The following TRPM8 variants were observed in gnomAD, a reference collection of about 807,000 sequenced individuals.
TRPM8 encodes transient receptor potential cation channel subfamily M member 8, also known as TRPM8 cationic channel.
Under a neutral mutation model 133.7 loss-of-function variants are expected in TRPM8, and 110 were observed. The observed-to-expected ratio is 0.82, with a 90% CI of 0.70 to 0.96. The LOEUF (loss-of-function observed/expected upper bound fraction) is 0.96, where lower values mean the gene tolerates loss of function less well. Among genes scored for constraint, TRPM8 ranks in the 40% least tolerant of loss-of-function variants. TRPM8 has a pLI of 0.00. For synonymous variants in TRPM8, 535 were observed against 532.3 expected, an observed-to-expected ratio of 1.01 and a Z score of -0.07; for missense variants, 1,291 against 1,379.5, an observed-to-expected ratio of 0.94 and a Z score of 1.02.
chr2:233,947,661 C>A, intron 8 of TRPM8: 7 of 1,215,436 alleles, frequency 5.8e-6, no homozygotes, highest in Non-Finnish European at 7.6e-6. Flanking sequence ...GCACCTGCAA[C>A]ACTGAGCAAC....
chr2:234,004,581 A>C (rs570306458), intron 22 of TRPM8, among the ~76,000 whole-genome samples: 1 of 152,280 alleles, frequency 6.6e-6, no homozygotes, highest in Non-Finnish European at 1.5e-5. Flanking sequence ...AGTGGAATCC[A>C]AAGTTTCACT....
chr2:233,972,684 A>G (rs1228462228), intron 17 of TRPM8, among the ~76,000 whole-genome samples: 1 of 152,200 alleles, frequency 6.6e-6, no homozygotes, highest in Non-Finnish European at 1.5e-5. Context: ...TGGGGGACCC[A>G]GTACACTCTC....
rs1305952489 is a variant in TRPM8, at chr2:233,981,850, A to G, written c.2524A>G (p.Arg842Gly). 6.2e-7 allele frequency: 1 copy of G among 1,613,948 alleles called. No individual in the cohort carries two copies. The highest frequency in any genetic ancestry group is 8.5e-7 in the Non-Finnish European group (1 of 1,179,946). Residue 842 changes from arginine to glycine, a missense_variant, in exon 19 of 26, where the codon AGA (arginine) becomes GGA (glycine). Physicochemically the swap from Arg to Gly is moderately radical, Grantham distance 125 (BLOSUM62 -2). Transcript: ENST00000324695. ...FCLDYIIFTL[R>G]LIHIFTVSRN... Reference sequence around the variant, plus strand: ...TCTGGACTACATTATTTTCACTCTAAGATTGATCCACATTTTTACTGTAAG... The same window carrying G: ...TCTGGACTACATTATTTTCACTCTAGGATTGATCCACATTTTTACTGTAAG...
Position 233,927,846 on chromosome 2 carries a change from T to TTC in TRPM8, c.117+1192_117+1193insTC, listed in dbSNP as rs1491068191. Among the ~76,000 whole-genome samples the TTC allele has an allele frequency of 2.6e-4, 19 of 73,338 alleles. 2 individuals are homozygous for TTC. The highest frequency in any genetic ancestry group is 1.3e-3 in the Admixed American group (9 of 6,954). 48.1% of individuals were successfully genotyped at this position (73,338 alleles called of 152,430 possible). On this transcript the variant is annotated intron_variant, in intron 2 of 25. Transcript: ENST00000324695. ...TTCCTTCCTTCCTTCCTTCCTTCCT[T>TTC]CCTTCCTTTCTTTCTCTTTCTTTCT... is the stretch of plus-strand genomic sequence containing the variant.
intron 1 of TRPM8, among the ~76,000 whole-genome samples, chr2:233,921,677 C>CTTTT (rs11373529): frequency 1.2e-4 from 13 of 106,646 alleles, no homozygotes; most frequent in East Asian, 7.8e-4. Flanking sequence ...CTTTTCTTTT[C>CTTTT]TTTTTTTTTT....
At chr2:233,971,703 T>G (rs924516211) in intron 17 of TRPM8, among the ~76,000 whole-genome samples, 7 of 152,196 alleles carry the variant, frequency 4.6e-5, no homozygotes, top group African/African-American at 1.7e-4. Flanking sequence ...GGTGGGTTCG[T>G]GGTCTCGCTG....
At chr2:233,940,154 T>A (rs7595960) in intron 5 of TRPM8, among the ~76,000 whole-genome samples, 30,538 of 151,836 alleles carry the variant, frequency 0.2, 4,200 homozygotes, top group East Asian at 0.36. Flanking sequence ...CTGTCTCTCA[T>A]TGTGGATTTG....
chr2:233,980,220 C>A lies in TRPM8; in HGVS notation c.2388C>A (p.Asp796Glu). 6.2e-7 allele frequency: 1 copy of A among 1,603,778 alleles called. No homozygotes were observed. The highest frequency in any genetic ancestry group is 1.3e-5 in the African/African-American group (1 of 74,522). Residue 796 changes from aspartate to glutamate, a missense_variant, in exon 18 of 26, where the codon GAC becomes GAA. Physicochemically the swap from Asp to Glu is conservative, Grantham distance 45 (BLOSUM62 2). Around this residue, in one of 2 missense-constraint regions of TRPM8, gnomAD observed 328 missense variants for 410.6 expected, o/e 0.80. Transcript: ENST00000324695. ...WYVNGVNYFT[D>E]LWNVMDTLGL... ...TAAATGGGGTGAATTATTTTACTGA[C>A]CTGTGGAATGTGATGGACACGCTGG...
chr2:233,983,637 C>T (rs1182437016), intron 20 of TRPM8, among the ~76,000 whole-genome samples: 1 of 152,176 alleles, frequency 6.6e-6, no homozygotes, highest in African/African-American at 2.4e-5. Flanking sequence ...TTCTGGCGTG[C>T]GTTAGCCCAC....
intron 24 of TRPM8, among the ~76,000 whole-genome samples, chr2:234,009,149 C>T (rs1174966867): frequency 6.6e-6 from 1 of 152,090 alleles, no homozygotes; most frequent in Non-Finnish European, 1.5e-5. Context: ...CCAAGAGGGA[C>T]CTATCTGGAA....
chr2:234,010,958 TGAA>T (rs1485348296), intron 24 of TRPM8, among the ~76,000 whole-genome samples: 1 of 152,220 alleles, frequency 6.6e-6, no homozygotes, highest in Admixed American at 6.5e-5. Flanking sequence ...TCCTTTGTTG[TGAA>T]GAAGGTTTTG....
intron 1 of TRPM8, among the ~76,000 whole-genome samples, chr2:233,921,920 G>C (rs1166754571): frequency 6.6e-6 from 1 of 152,060 alleles, no homozygotes; most frequent in African/African-American, 2.4e-5. Context: ...TGATCCCCCT[G>C]CCTTGGCCTC....
At position 233,955,216 on chromosome 2, in the gene TRPM8, A is replaced by C. The variant is rs143385407; in HGVS notation, c.1328A>C (p.Asn443Thr). Residue 443 changes from asparagine to threonine, a missense_variant, in exon 11 of 26, where the codon AAT becomes ACT. Physicochemically the swap from Asn to Thr is moderately conservative, Grantham distance 65. Transcript: ENST00000324695. Reference protein sequence around the residue: ...LLEWNQLDLANDEIFTNDRRW... With the variant: ...LLEWNQLDLATDEIFTNDRRW... ...GAGTGGAACCAGCTGGACTTAGCCA[A>C]TGATGAGATTTTCACCAATGACCGC... The C allele has an allele frequency of 8.4e-5, 136 of 1,614,204 alleles. 1 individual carries two copies. The African/African-American group carries it at 8.9e-4, about 11-fold the overall frequency.
At chr2:233,940,232 G>T (rs1690871347) in intron 5 of TRPM8, among the ~76,000 whole-genome samples, 1 of 150,466 alleles carries the variant, frequency 6.6e-6, no homozygotes, top group Admixed American at 6.6e-5. Context: ...CTTTTACGCA[G>T]AATTAATATT....
At chr2:233,994,179 C>A (rs1203460098) in intron 21 of TRPM8, among the ~76,000 whole-genome samples, 3 of 152,158 alleles carry the variant, frequency 2.0e-5, no homozygotes, top group Non-Finnish European at 4.4e-5. Flanking sequence ...CTTCCCTAAT[C>A]GGGGGCTGCT....
chr2:233,961,754 C>T (rs969798853), intron 12 of TRPM8, among the ~76,000 whole-genome samples: 18 of 149,734 alleles, frequency 1.2e-4, no homozygotes, highest in African/African-American at 3.0e-4. Context: ...CTCAGCTTCC[C>T]GAGTAGCTGG....
intron 11 of TRPM8, among the ~76,000 whole-genome samples, chr2:233,959,753 G>C (rs1161494231): frequency 6.6e-6 from 1 of 152,072 alleles, no homozygotes; most frequent in South Asian, 2.1e-4. Context: ...GGAGTGGCCT[G>C]TAGTCCACTG....
intron 22 of TRPM8, among the ~76,000 whole-genome samples, chr2:234,002,783 C>T (rs1178579095): frequency 6.6e-6 from 1 of 152,048 alleles, no homozygotes; most frequent in Non-Finnish European, 1.5e-5. Flanking sequence ...GTTAGGTGGT[C>T]CTTCTCTCTG....
At chr2:233,999,072 T>C (rs1692481813) in intron 22 of TRPM8, among the ~76,000 whole-genome samples, 1 of 151,096 alleles carries the variant, frequency 6.6e-6, no homozygotes, top group South Asian at 2.1e-4. Flanking sequence ...TTATATATAA[T>C]TATGTAACAA....
Sources: gnomAD v4.1 joint callset for allele counts (sites outside exome capture counted in the v4.1 genomes callset) on GRCh38, gnomAD v4.1.1 for gene constraint, gnomAD v4.1.1 regional missense constraint, MANE v1.5 for transcripts, NCBI Gene and HGNC (gene_info 2026-07-23, HGNC 2026-07-21) for gene names.